The following IL1RAPL1 variants were observed in gnomAD, a reference collection of about 807,000 sequenced individuals.
IL1RAPL1 encodes interleukin 1 receptor accessory protein like 1.
IL1RAPL1 carries 3 observed loss-of-function variants against 48.4 expected under a neutral mutation model. The ratio of observed to expected loss-of-function variants is 0.06; its 90% confidence interval spans 0.03 to 0.16. The LOEUF (loss-of-function observed/expected upper bound fraction) is 0.16, where lower values mean the gene tolerates loss of function less well. Ranked by LOEUF, IL1RAPL1 falls within the 10% of genes least tolerant of loss-of-function variation. The pLI is 1.00. For missense variants in IL1RAPL1, 349 were observed against 530.6 expected, an observed-to-expected ratio of 0.66 and a Z score of 3.36; for synonymous variants, 185 against 187.7, an observed-to-expected ratio of 0.99 and a Z score of 0.12.
intron 3 of IL1RAPL1, among the ~76,000 whole-genome samples, chrX:29,360,250 C>T (rs1466006799): frequency 8.9e-6 from 1 of 111,854 alleles, no homozygotes; most frequent in Non-Finnish European, 1.9e-5. Context: ...ATAACTGACC[C>T]AAAGTCAGGC....
chrX:28,642,403 T>C (rs1290852290), intron 1 of IL1RAPL1, among the ~76,000 whole-genome samples: 1 of 111,730 alleles, frequency 9.0e-6, no homozygotes, highest in East Asian at 2.8e-4. Context: ...ATTTACCACA[T>C]AATTGGAAGT....
chrX:29,214,224 G>T (rs977548342), intron 2 of IL1RAPL1, among the ~76,000 whole-genome samples: 1 of 111,220 alleles, frequency 9.0e-6, no homozygotes, highest in Non-Finnish European at 1.9e-5. Flanking sequence ...AAGAGAGTGA[G>T]ATACTAAGAG....
chrX:29,289,117 G>C (rs1455801306), intron 3 of IL1RAPL1, among the ~76,000 whole-genome samples: 2 of 111,664 alleles, frequency 1.8e-5, no homozygotes, highest in African/African-American at 6.5e-5. Context: ...TAGGTTGTCT[G>C]TTCACTCTGA....
chrX:29,312,311 G>A (rs757560318), intron 3 of IL1RAPL1, among the ~76,000 whole-genome samples: 5 of 111,340 alleles, frequency 4.5e-5, no homozygotes, highest in Admixed American at 1.9e-4. Context: ...TTAGCTGGGC[G>A]TGGTGGTGTG....
intron 5 of IL1RAPL1, among the ~76,000 whole-genome samples, chrX:29,552,980 C>G (rs1431525315): frequency 9.1e-6 from 1 of 109,620 alleles, no homozygotes; most frequent in Non-Finnish European, 1.9e-5. Context: ...CTTAGAGCCT[C>G]TATCTCCTTT....
intron 6 of IL1RAPL1, among the ~76,000 whole-genome samples, chrX:29,763,586 T>C (rs918694846): frequency 9.0e-6 from 1 of 111,333 alleles, no homozygotes; most frequent in African/African-American, 3.3e-5. Context: ...TTCTGACTTC[T>C]GTCTATTGAT....
chrX:28,724,401 A>G (rs1935635784), intron 1 of IL1RAPL1, among the ~76,000 whole-genome samples: 1 of 110,921 alleles, frequency 9.0e-6, no homozygotes, highest in Admixed American at 9.6e-5. Flanking sequence ...GTTTTATCAG[A>G]GACTAGGATT....
intron 2 of IL1RAPL1, among the ~76,000 whole-genome samples, chrX:28,858,763 A>G (rs1259185429): frequency 8.9e-6 from 1 of 112,301 alleles, no homozygotes; most frequent in East Asian, 2.8e-4. Context: ...CTGAATCTGC[A>G]ATATCTCCAA....
chrX:29,779,560 C>A (rs994629815), intron 6 of IL1RAPL1, among the ~76,000 whole-genome samples: 2 of 110,906 alleles, frequency 1.8e-5, no homozygotes, highest in Non-Finnish European at 3.8e-5. Context: ...GCAATTTAAC[C>A]ATATAACAAA....
At chrX:29,131,164 G>T (rs745485540) in intron 2 of IL1RAPL1, among the ~76,000 whole-genome samples, 1 of 111,628 alleles carries the variant, frequency 9.0e-6, no homozygotes, top group South Asian at 3.8e-4. Context: ...CTTGCCATTT[G>T]TCATAGTAAC....
chrX:29,880,194 C>A (rs982917415), intron 6 of IL1RAPL1, among the ~76,000 whole-genome samples: 5 of 111,198 alleles, frequency 4.5e-5, no homozygotes, highest in Non-Finnish European at 9.5e-5. Flanking sequence ...TTCCCTTATG[C>A]CTTAAAAACG....
chrX:28,947,184 A>G (rs777381708), intron 2 of IL1RAPL1, among the ~76,000 whole-genome samples: 119 of 111,633 alleles, frequency 1.1e-3, no homozygotes, highest in Middle Eastern at 4.6e-3. Flanking sequence ...TCCCATAGCA[A>G]TGCTAAAAGA....
chrX:29,456,790 T>C (rs1934743917), intron 5 of IL1RAPL1, among the ~76,000 whole-genome samples: 1 of 111,444 alleles, frequency 9.0e-6, no homozygotes, highest in South Asian at 3.8e-4. Context: ...ACATAAGATA[T>C]TTTTTCTAAT....
At chrX:29,528,200 A>C (rs1935574429) in intron 5 of IL1RAPL1, among the ~76,000 whole-genome samples, 1 of 112,656 alleles carries the variant, frequency 8.9e-6, no homozygotes, top group African/African-American at 3.2e-5. Context: ...ATGTACATAT[A>C]AAGTTATTCA....
At chrX:28,800,714 C>T (rs1041859588) in intron 2 of IL1RAPL1, among the ~76,000 whole-genome samples, 3 of 110,680 alleles carry the variant, frequency 2.7e-5, no homozygotes, top group African/African-American at 9.9e-5. Context: ...ACTGAAAATA[C>T]GTCATTAAAT....
chrX:29,738,805 T>C (rs1410724541), intron 6 of IL1RAPL1, among the ~76,000 whole-genome samples: 1 of 112,247 alleles, frequency 8.9e-6, no homozygotes, highest in Admixed American at 9.5e-5. Flanking sequence ...CCGGGGAATT[T>C]GAACAGGGCT....
intron 2 of IL1RAPL1, among the ~76,000 whole-genome samples, chrX:29,206,781 C>A (rs1930674628): frequency 9.0e-6 from 1 of 110,534 alleles, no homozygotes; most frequent in East Asian, 2.8e-4. Context: ...GATATATGTA[C>A]TGAAAAGATA....
chrX:28,792,644 C>T lies in IL1RAPL1; in HGVS notation c.82+3219C>T, dbSNP rs112549872. Among the ~76,000 whole-genome samples the T allele has an allele frequency of 3.4e-3, 351 of 101,771 alleles. 2 individuals are homozygous for T. The highest frequency in any genetic ancestry group is 0.012 in the African/African-American group (330 of 27,825). The allele number at this position is 101,771 out of a possible 115,157, so 88.4% of individuals were successfully genotyped here. On this transcript the variant is annotated intron_variant, in intron 2 of 10. Coordinates refer to ENST00000378993, the MANE Select transcript of IL1RAPL1 (RefSeq NM_014271.4). Reference sequence around the variant, plus strand: ...CTACTAAAAATACAAAAAAATTAGCCGGGCGTGGTGGCGGGTGCTTGTAGT... The same window carrying T: ...CTACTAAAAATACAAAAAAATTAGCTGGGCGTGGTGGCGGGTGCTTGTAGT...
At chrX:29,186,329 T>C (rs1349801886) in intron 2 of IL1RAPL1, among the ~76,000 whole-genome samples, 5 of 111,947 alleles carry the variant, frequency 4.5e-5, no homozygotes, top group African/African-American at 1.6e-4. Flanking sequence ...GCTGATACAA[T>C]TCGTTTTGCT....
Sources: gnomAD v4.1 joint callset for allele counts (sites outside exome capture counted in the v4.1 genomes callset) on GRCh38, gnomAD v4.1.1 for gene constraint, MANE v1.5 for transcripts, NCBI Gene and HGNC (gene_info 2026-07-23, HGNC 2026-07-21) for gene names.